The following MAST4 variants were observed in gnomAD, a reference collection of about 807,000 sequenced individuals.
MAST4 encodes microtubule associated serine/threonine kinase family member 4, also known as microtubule-associated serine/threonine-protein kinase 4.
A neutral mutation model predicts 162.7 loss-of-function variants in MAST4; 89 were observed. The observed-to-expected ratio is 0.55, with a 90% confidence interval of 0.46 to 0.65. The LOEUF (loss-of-function observed/expected upper bound fraction) is 0.65. Among genes scored for constraint, MAST4 ranks in the 30% least tolerant of loss-of-function variants. The pLI is 0.00. For missense variants in MAST4, 3,153 were observed against 3,374.0 expected (o/e 0.93, Z 1.62); for synonymous variants, 1,479 against 1,361.1 (o/e 1.09, Z -1.91).
At chr5:66,791,475 T>C (rs1188441136) in intron 3 of MAST4, among the ~76,000 whole-genome samples, 4 of 152,114 alleles carry the variant, frequency 2.6e-5, no homozygotes, top group Non-Finnish European at 5.9e-5. Context: ...ATGAGAAGAG[T>C]ACCTCCCAAA....
intron 3 of MAST4, among the ~76,000 whole-genome samples, chr5:66,821,173 GTTAGACCCTCTCTTTTATTT>G (rs937980071): frequency 1.3e-5 from 2 of 152,230 alleles, no homozygotes; most frequent in African/African-American, 4.8e-5. Flanking sequence ...GTGGGAAGGT[GTTAGACCCTCTCTTTTATTT>G]GGAGTGGGAA....
intron 1 of MAST4, among the ~76,000 whole-genome samples, chr5:66,747,198 A>T (rs910496514): frequency 1.3e-5 from 2 of 152,066 alleles, no homozygotes; most frequent in East Asian, 3.9e-4. Context: ...TAGCAGTATC[A>T]AAGTGCTAAT....
At chr5:67,118,806 C>A in intron 13 of MAST4, 57 bp downstream of exon 13, 1 of 1,016,184 alleles carries the variant, frequency 9.8e-7, no homozygotes, top group Non-Finnish European at 1.5e-6. Flanking sequence ...CATCTGGAGA[C>A]TTTGGCTATG....
intron 4 of MAST4, among the ~76,000 whole-genome samples, chr5:66,953,946 A>T (rs1744992944): frequency 6.6e-6 from 1 of 152,046 alleles, no homozygotes. Context: ...ACATTGCAAA[A>T]CCTGGTTGAG....
At chr5:67,138,727 C>G (rs776116693) in intron 19 of MAST4, among the ~76,000 whole-genome samples, 1 of 152,212 alleles carries the variant, frequency 6.6e-6, no homozygotes, top group Non-Finnish European at 1.5e-5. Context: ...AGCCATTGTG[C>G]CTGGCCCCAT....
Position 66,647,384 on chromosome 5 carries a change from A to AT in MAST4, c.363+50374dup, listed in dbSNP as rs201026029. Among the ~76,000 whole-genome samples the AT allele has an allele frequency of 7.9e-5, 12 of 151,850 alleles. No individual in the cohort carries two copies. The East Asian group carries it at 1.2e-3, about 15-fold the overall frequency. ...ATGTCCTTGAGTACGACATCAAAAC[A>AT]TTTTTTTTCGTTTTCATTGCAAAAT... On this transcript the variant is annotated intron_variant, in intron 1 of 28. Transcript: ENST00000403625.
At chr5:66,598,346 C>T (rs1742332696) in intron 1 of MAST4, among the ~76,000 whole-genome samples, 1 of 152,196 alleles carries the variant, frequency 6.6e-6, no homozygotes, top group African/African-American at 2.4e-5. Context: ...TCATTTCACT[C>T]CTCTGAGGTT....
chr5:66,955,014 A>G (rs1484092573), intron 4 of MAST4, among the ~76,000 whole-genome samples: 1 of 151,988 alleles, frequency 6.6e-6, no homozygotes, highest in Non-Finnish European at 1.5e-5. Flanking sequence ...CAGCCTGGGC[A>G]ACATAGTGAA....
intron 2 of MAST4, among the ~76,000 whole-genome samples, chr5:66,784,011 C>T (rs1189499048): frequency 6.6e-6 from 1 of 152,090 alleles, no homozygotes; most frequent in East Asian, 1.9e-4. Context: ...CTGCTTTGTT[C>T]TGCCCTCCCA....
intron 3 of MAST4, chr5:66,870,791 C>T (rs187673776): frequency 2.1e-5 from 10 of 471,510 alleles, no homozygotes; most frequent in East Asian, 1.4e-4. Context: ...GGGCAGCCTC[C>T]GAAGAGCCAT....
intron 4 of MAST4, among the ~76,000 whole-genome samples, chr5:66,920,104 GAAAGT>G (rs60070478): frequency 0.13 from 19,706 of 151,982 alleles, 1,588 homozygotes; most frequent in South Asian, 0.3. Context: ...TAGCAAAGAG[GAAAGT>G]AATTATAAGC....
chr5:66,924,468 G>A (rs1038959793), intron 4 of MAST4, among the ~76,000 whole-genome samples: 5 of 150,546 alleles, frequency 3.3e-5, no homozygotes, highest in African/African-American at 9.8e-5. Flanking sequence ...ATCTCGGCTC[G>A]CTGCAAGCTC....
chr5:66,704,492 CT>C lies in MAST4; in HGVS notation c.364-55195del, dbSNP rs1172510331. ...TGCATCCTCTCTGTTGCTTGTTGTTCTTTTTTTTTTTTTTTTTTTTTTGAGA... is the reference window on the plus strand; with the variant it reads ...TGCATCCTCTCTGTTGCTTGTTGTTCTTTTTTTTTTTTTTTTTTTTTGAGA... On this transcript the variant is annotated intron_variant, in intron 1 of 28. Transcript: ENST00000403625. Among the ~76,000 whole-genome samples, 414 of 97,342 alleles carry C rather than the reference CT, an allele frequency of 4.3e-3. 2 individuals carry two copies. The highest frequency in any genetic ancestry group is 0.036 in the East Asian group (125 of 3,486). 63.9% of individuals were successfully genotyped at this position (97,342 alleles called of 152,430 possible).
intron 3 of MAST4, among the ~76,000 whole-genome samples, chr5:66,847,796 G>A (rs968150685): frequency 1.1e-4 from 14 of 128,424 alleles, no homozygotes; most frequent in Non-Finnish European, 1.9e-4. Flanking sequence ...TCTCCAGCCT[G>A]GGTGCTGGAA....
intron 4 of MAST4, among the ~76,000 whole-genome samples, chr5:66,965,567 T>C (rs1202917758): frequency 2.7e-4 from 3 of 11,316 alleles, no homozygotes; most frequent in Admixed American, 2.3e-3. Context: ...GGAGGTTCAG[T>C]GGGGAGGGAT....
chr5:67,104,705 A>G (rs976521041), intron 10 of MAST4, 130 bp downstream of exon 10: 3 of 664,172 alleles, frequency 4.5e-6, no homozygotes, highest in Non-Finnish European at 7.6e-6. Context: ...AGGAAAAAAA[A>G]AAAAAAACTC....
At chr5:66,715,630 C>T (rs1750783084) in intron 1 of MAST4, among the ~76,000 whole-genome samples, 2 of 148,858 alleles carry the variant, frequency 1.3e-5, no homozygotes, top group South Asian at 4.3e-4. Flanking sequence ...TATAATAAAC[C>T]TGCACATTGT....
At chr5:66,778,160 A>G (rs923475620) in intron 2 of MAST4, among the ~76,000 whole-genome samples, 38 of 152,146 alleles carry the variant, frequency 2.5e-4, no homozygotes, top group African/African-American at 7.5e-4. Flanking sequence ...TCTTGTTACC[A>G]TGTTCTCATT....
Position 66,898,591 on chromosome 5 carries a change from TAAAGAAA to T in MAST4, c.643-1355_643-1349del, listed in dbSNP as rs369553691. ...TAATTTCTTGGAGCTAATCAAGGAT[TAAAGAAA>T]AAAGCAAAGCAAAGCAAAACAAAAC... On this transcript the variant is annotated intron_variant, in intron 3 of 28. Coordinates refer to ENST00000403625, the MANE Select transcript of MAST4 (RefSeq NM_001164664.2). Among the ~76,000 whole-genome samples the T allele has an allele frequency of 4.0e-3, 607 of 152,178 alleles. 2 individuals carry two copies. The highest frequency in any genetic ancestry group is 0.014 in the African/African-American group (582 of 41,518).
Sources: gnomAD v4.1 joint callset for allele counts (sites outside exome capture counted in the v4.1 genomes callset) on GRCh38, gnomAD v4.1.1 for gene constraint, MANE v1.5 for transcripts, NCBI Gene and HGNC (gene_info 2026-07-23, HGNC 2026-07-21) for gene names.